The following TRIM23 variants were observed in gnomAD, a reference collection of about 807,000 sequenced individuals.
The protein encoded by TRIM23 is E3 ubiquitin-protein ligase TRIM23.
In TRIM23, 27 loss-of-function variants were observed where a neutral mutation model predicts 71.0. That is an observed-to-expected ratio of 0.38 (90% CI 0.28 to 0.52). The LOEUF is 0.52. Among genes scored for constraint, TRIM23 ranks in the 20% least tolerant of loss-of-function variants. The pLI is 0.84. For missense variants in TRIM23, 482 were observed against 692.3 expected (o/e 0.70, Z 3.41); for synonymous variants, 234 against 238.0 (o/e 0.98, Z 0.16).
chr5:65,604,625 C>T (rs1349569405), intron 7 of TRIM23: 1 of 231,904 alleles, frequency 4.3e-6, no homozygotes, highest in African/African-American at 2.3e-5. Context: ...CATATATATA[C>T]CATTTATATT....
chr5:65,602,811 C>A (rs866156725), intron 7 of TRIM23, among the ~76,000 whole-genome samples: 47 of 152,276 alleles, frequency 3.1e-4, no homozygotes, highest in Middle Eastern at 3.4e-3. Context: ...TCTCATGAGA[C>A]TTATTCACTA....
intron 6 of TRIM23, among the ~76,000 whole-genome samples, chr5:65,605,709 ACTAT>A (rs1754476915): frequency 6.6e-6 from 1 of 152,038 alleles, no homozygotes; most frequent in Admixed American, 6.5e-5. Context: ...ATTATTCCAG[ACTAT>A]CTATACATAT....
intron 7 of TRIM23, among the ~76,000 whole-genome samples, chr5:65,600,885 T>C (rs1754345595): frequency 6.6e-6 from 1 of 152,114 alleles, no homozygotes; most frequent in African/African-American, 2.4e-5. Flanking sequence ...AACAATTATA[T>C]GAAAAGATGG....
In TRIM23 at chr5:65,611,678, G is replaced by C; in HGVS notation, c.570C>G (p.Cys190Trp). ...GGCTAGTTTGACAACCTTCTTCCAA[G>C]CAAACAAACTCAATGGCATGCACCT... Reference protein sequence around the residue: ...QHQVHAIEFVCLEEGCQTSPL... With the variant: ...QHQVHAIEFVWLEEGCQTSPL... Residue 190 changes from cysteine to tryptophan, a missense_variant, in exon 4 of 11, where the codon TGC becomes TGG. Cys to Trp is a radical substitution (Grantham distance 215). Coordinates refer to ENST00000231524, the MANE Select transcript of TRIM23 (RefSeq NM_001656.4). 6.2e-7 allele frequency: 1 copy of C among 1,614,142 alleles called. No homozygotes were observed.
At chr5:65,621,422 TAAAGTA>T (rs1754943267) in intron 1 of TRIM23, among the ~76,000 whole-genome samples, 1 of 152,318 alleles carries the variant, frequency 6.6e-6, no homozygotes, top group Admixed American at 6.5e-5. Flanking sequence ...GATACTCTAA[TAAAGTA>T]AATTTATGAC....
rs538214586 is a variant in TRIM23, at chr5:65,601,255, C to T, written c.1179+3656G>A. On this transcript the variant is annotated intron_variant, in intron 7 of 10. Coordinates refer to ENST00000231524, the MANE Select transcript of TRIM23 (RefSeq NM_001656.4). ...TGGAAGCTACCCAAGTTTCCATCAACAGATGAATGAACAAACAAAATGTGG... is the reference window on the plus strand; with the variant it reads ...TGGAAGCTACCCAAGTTTCCATCAATAGATGAATGAACAAACAAAATGTGG... 2.0e-4 allele frequency among the ~76,000 whole-genome samples: 31 copies of T among 152,276 alleles called. No individual in the cohort carries two copies. The South Asian group carries it at 6.4e-3, about 32-fold the overall frequency.
At chr5:65,619,486 G>T (rs549965632) in intron 1 of TRIM23, among the ~76,000 whole-genome samples, 1 of 152,054 alleles carries the variant, frequency 6.6e-6, no homozygotes, top group African/African-American at 2.4e-5. Flanking sequence ...CACACAACAC[G>T]AGGTAAAAAA....
chr5:65,614,918 G>T (rs553216935), intron 2 of TRIM23, among the ~76,000 whole-genome samples: 1 of 151,356 alleles, frequency 6.6e-6, no homozygotes, highest in South Asian at 2.1e-4. Context: ...TTTTTTTTGA[G>T]ACAGAGTCTT....
At position 65,611,766 on chromosome 5, in the gene TRIM23, G is replaced by A; in HGVS notation, c.482C>T (p.Ala161Val). 6.2e-7 allele frequency: 1 copy of A among 1,614,134 alleles called. No individual in the cohort carries two copies. The highest frequency in any genetic ancestry group is 8.5e-7 in the Non-Finnish European group (1 of 1,180,026). The change falls in exon 4 of 11, where the codon GCA becomes GTA. Residue 161 changes from alanine to valine, a missense_variant. By Grantham distance (64) the Ala-to-Val change is moderately conservative. Transcript: ENST00000231524. ...AGCTAGAGGAACTCGCCTGTGCTTTGCTAATGTCTTTGTAGAATGAGTAAC... is the reference window on the plus strand; with the variant it reads ...AGCTAGAGGAACTCGCCTGTGCTTTACTAATGTCTTTGTAGAATGAGTAAC... ...SQVTHSTKTL[A>V]KHRRVPLADK...
chr5:65,608,003 C>T (rs999792549), intron 6 of TRIM23, among the ~76,000 whole-genome samples: 4 of 151,938 alleles, frequency 2.6e-5, no homozygotes, highest in African/African-American at 9.7e-5. Context: ...ATAGAAAGAA[C>T]TTAAAATAAA....
chr5:65,622,771 C>T (rs757523368), intron 1 of TRIM23, among the ~76,000 whole-genome samples: 6 of 152,118 alleles, frequency 3.9e-5, no homozygotes, highest in Admixed American at 1.3e-4. Context: ...CAAGGTGAGC[C>T]TCCAATGTAT....
chr5:65,609,172 C>T lies in TRIM23; in HGVS notation c.1044+71G>A, dbSNP rs1012443092. The T allele has an allele frequency of 2.0e-6, 3 of 1,476,922 alleles. No homozygotes were observed. The African/African-American group carries it at 4.2e-5, about 21-fold the overall frequency. The allele number at this position is 1,476,922 out of a possible 1,614,324, so 91.5% of individuals were successfully genotyped here. On this transcript the variant is annotated intron_variant, in intron 6 of 10. Transcript: ENST00000231524. Reference sequence around the variant, plus strand: ...AGACACAAAATATTAATAAAACACACTAATGTATACCTCTGGTAATTATCT... The same window carrying T: ...AGACACAAAATATTAATAAAACACATTAATGTATACCTCTGGTAATTATCT...
intron 7 of TRIM23, among the ~76,000 whole-genome samples, chr5:65,599,568 A>G (rs1020290373): frequency 2.0e-5 from 3 of 152,216 alleles, no homozygotes; most frequent in Non-Finnish European, 2.9e-5. Context: ...CTTGTACACT[A>G]AAAACTACAA....
intron 10 of TRIM23, 131 bp from the exon 11 acceptor site, chr5:65,592,079 C>A (rs1754054884): frequency 1.2e-6 from 1 of 862,420 alleles, no homozygotes; most frequent in East Asian, 2.7e-5. Context: ...ATTCATCTTT[C>A]AGTAATTATT....
At position 65,611,759 on chromosome 5, in the gene TRIM23, G is replaced by A; in HGVS notation, c.489C>T (p.His163=). The A allele has an allele frequency of 6.2e-7, 1 of 1,614,172 alleles. No individual in the cohort carries two copies. Among genetic ancestry groups the A allele is most frequent in the Non-Finnish European group, 8.5e-7 (1 of 1,180,032 alleles). The part of the protein sequence containing the change: ...VTHSTKTLAK[H]RRVPLADKPH... ...GTTTATCAGCTAGAGGAACTCGCCT[G>A]TGCTTTGCTAATGTCTTTGTAGAAT... The change falls in exon 4 of 11, where the codon CAC becomes CAT. Residue 163 remains histidine, a synonymous_variant. Coordinates refer to ENST00000231524, the MANE Select transcript of TRIM23 (RefSeq NM_001656.4).
chr5:65,623,646 G>A (rs977591681), intron 1 of TRIM23, among the ~76,000 whole-genome samples: 2 of 152,184 alleles, frequency 1.3e-5, no homozygotes, highest in Non-Finnish European at 2.9e-5. Context: ...TACTAACAGG[G>A]GAGGGGGCAG....
intron 10 of TRIM23, among the ~76,000 whole-genome samples, chr5:65,593,433 CAAAAT>C (rs1023993255): frequency 1.3e-5 from 2 of 151,916 alleles, no homozygotes; most frequent in African/African-American, 4.8e-5. Context: ...GACTCAGTCT[CAAAAT>C]AATAATAGTA....
At chr5:65,611,108 T>G (rs1581186530) in intron 4 of TRIM23, 65 bp from the exon 5 acceptor site, 2 of 1,387,350 alleles carry the variant, frequency 1.4e-6, no homozygotes, top group Non-Finnish European at 1.9e-6. Flanking sequence ...AAAAAACTAT[T>G]TAAATCCCTA....
chr5:65,591,659 A>ATATT lies in TRIM23; in HGVS notation c.*109_*110insAATA, dbSNP rs962238139. ...CCAAGATTCCTTTATATATATATATATATATATGCATCCTAAATTACCATC... is the reference window on the plus strand; with the variant it reads ...CCAAGATTCCTTTATATATATATATATATTTATATATGCATCCTAAATTACCATC... On this transcript the variant is annotated 3_prime_UTR_variant, in exon 11 of 11. Transcript: ENST00000231524. 9.2e-6 allele frequency: 9 copies of ATATT among 981,404 alleles called. No individual in the cohort carries two copies. The highest frequency in any genetic ancestry group is 1.2e-5 in the Non-Finnish European group (9 of 733,604). The allele number at this position is 981,404 out of a possible 1,614,324, so 60.8% of individuals were successfully genotyped here.
Sources: gnomAD v4.1 joint callset for allele counts (sites outside exome capture counted in the v4.1 genomes callset) on GRCh38, gnomAD v4.1.1 for gene constraint, MANE v1.5 for transcripts, NCBI Gene and HGNC (gene_info 2026-07-23, HGNC 2026-07-21) for gene names.